Variants in RBFOX1 observed in about 807,000 individuals in gnomAD.
RBFOX1 encodes RNA binding protein fox-1 homolog 1.
A neutral mutation model predicts 57.7 loss-of-function variants in RBFOX1; 8 were observed. That is an observed-to-expected ratio of 0.14 (90% CI 0.08 to 0.25). The LOEUF is 0.25. RBFOX1 is among the 10% of genes least tolerant of loss of function. The probability of loss-of-function intolerance (pLI) is 1.00; values close to 1 mark genes in which losing one functional copy is unlikely to be tolerated. For missense variants in RBFOX1, 611 were observed against 548.5 expected, an observed-to-expected ratio of 1.11 and a Z score of -1.14; for synonymous variants, 326 against 222.4, an observed-to-expected ratio of 1.47 and a Z score of -4.15.
intron 3 of RBFOX1, among the ~76,000 whole-genome samples, chr16:5,617,294 T>C (rs914476101): frequency 1.3e-5 from 2 of 152,216 alleles, no homozygotes; most frequent in Admixed American, 1.3e-4. Context: ...TCAGGTTCAA[T>C]GCTGCCCTTC....
chr16:7,327,336 A>G (rs2096624058), intron 4 of RBFOX1, among the ~76,000 whole-genome samples: 1 of 152,226 alleles, frequency 6.6e-6, no homozygotes, highest in African/African-American at 2.4e-5. Context: ...GAAAAACGGA[A>G]AATTTGTATC....
chr16:6,630,339 C>A (rs1180543612), intron 2 of RBFOX1, among the ~76,000 whole-genome samples: 1 of 152,144 alleles, frequency 6.6e-6, no homozygotes, highest in Non-Finnish European at 1.5e-5. Context: ...ATCCATCCAT[C>A]CATCCATGCA....
chr16:5,824,622 T>G (rs976928265), intron 3 of RBFOX1, among the ~76,000 whole-genome samples: 1 of 152,156 alleles, frequency 6.6e-6, no homozygotes, highest in Admixed American at 6.5e-5. Context: ...TAATTGAAAA[T>G]GAAAATCCCT....
chr16:5,692,547 G>C (rs374782689), intron 3 of RBFOX1, among the ~76,000 whole-genome samples: 1 of 152,178 alleles, frequency 6.6e-6, no homozygotes, highest in Non-Finnish European at 1.5e-5. Flanking sequence ...GCTGTACCCG[G>C]TCTCCTAATG....
chr16:7,042,147 T>G (rs756940066), intron 3 of RBFOX1, among the ~76,000 whole-genome samples: 2 of 152,230 alleles, frequency 1.3e-5, no homozygotes, highest in Non-Finnish European at 2.9e-5. Context: ...GAAATTTATG[T>G]GTTTTATGGA....
At chr16:5,613,137 G>A (rs1031318105) in intron 3 of RBFOX1, among the ~76,000 whole-genome samples, 1 of 152,222 alleles carries the variant, frequency 6.6e-6, no homozygotes, top group African/African-American at 2.4e-5. Flanking sequence ...AGGGGCCTCA[G>A]TTGGAGCAGG....
intron 4 of RBFOX1, among the ~76,000 whole-genome samples, chr16:7,364,421 T>A (rs2097395878): frequency 1.3e-5 from 2 of 152,154 alleles, no homozygotes; most frequent in Non-Finnish European, 2.9e-5. Flanking sequence ...TGCTAGCATT[T>A]TTTTGTGCGT....
chr16:6,614,797 T>C (rs540530450), intron 2 of RBFOX1, among the ~76,000 whole-genome samples: 18 of 152,290 alleles, frequency 1.2e-4, no homozygotes, highest in African/African-American at 3.8e-4. Context: ...AGGACATCAG[T>C]CATATTGACC....
At chr16:5,919,185 G>C (rs905019026) in intron 4 of RBFOX1, among the ~76,000 whole-genome samples, 3 of 152,164 alleles carry the variant, frequency 2.0e-5, no homozygotes, top group African/African-American at 7.2e-5. Flanking sequence ...TGACACTTCA[G>C]TGAAGGTCAG....
chr16:5,455,021 TTCTC>T (rs1217706493), intron 1 of RBFOX1, among the ~76,000 whole-genome samples: 131 of 113,162 alleles, frequency 1.2e-3, no homozygotes, highest in African/African-American at 4.1e-3. Flanking sequence ...CTTTCTTTCT[TTCTC>T]TCTCTCTGTC....
chr16:7,029,193 CAT>C (rs1232534427), intron 3 of RBFOX1, among the ~76,000 whole-genome samples: 2 of 43,484 alleles, frequency 4.6e-5, no homozygotes, highest in Non-Finnish European at 6.6e-5. Context: ...TATATATACA[CAT>C]ATGTATACGT....
At chr16:5,769,420 C>T (rs1019374485) in intron 3 of RBFOX1, among the ~76,000 whole-genome samples, 20 of 150,296 alleles carry the variant, frequency 1.3e-4, no homozygotes, top group African/African-American at 4.7e-4. Flanking sequence ...GCAGGTGGAT[C>T]ACTTGAAGTC....
At chr16:7,703,810 C>T (rs751124440) in intron 14 of RBFOX1, among the ~76,000 whole-genome samples, 5 of 152,210 alleles carry the variant, frequency 3.3e-5, no homozygotes, top group Non-Finnish European at 5.9e-5. Flanking sequence ...TCCATTTGAA[C>T]TACATCTGTA....
At chr16:5,354,645 C>T (rs1013035196) in intron 1 of RBFOX1, among the ~76,000 whole-genome samples, 1 of 152,268 alleles carries the variant, frequency 6.6e-6, no homozygotes, top group Admixed American at 6.5e-5. Flanking sequence ...CTGCCCAGCT[C>T]CTTTATTCCA....
At chr16:7,199,909 A>AAACAAC (rs146515780) in intron 4 of RBFOX1, among the ~76,000 whole-genome samples, 5 of 151,816 alleles carry the variant, frequency 3.3e-5, no homozygotes, top group East Asian at 1.9e-4. Flanking sequence ...AAACAAAACA[A>AAACAAC]AACAACAACA....
chr16:6,636,795 A>G (rs1210458175), intron 2 of RBFOX1, among the ~76,000 whole-genome samples: 1 of 4,782 alleles, frequency 2.1e-4, no homozygotes. Flanking sequence ...TATATAATAT[A>G]TGTTATATAT....
chr16:5,552,511 C>T (rs572042726), intron 2 of RBFOX1, among the ~76,000 whole-genome samples: 79 of 152,306 alleles, frequency 5.2e-4, no homozygotes, highest in African/African-American at 1.8e-3. Flanking sequence ...TTACTTAAAA[C>T]CACACACCTA....
chr16:5,706,512 AAGTT>A (rs1029716981), intron 3 of RBFOX1, among the ~76,000 whole-genome samples: 5 of 152,168 alleles, frequency 3.3e-5, no homozygotes, highest in Non-Finnish European at 7.4e-5. Context: ...GGGTGGGAGA[AAGTT>A]AGTCATTAAA....
intron 3 of RBFOX1, among the ~76,000 whole-genome samples, chr16:6,809,550 A>T (rs1047141826): frequency 6.6e-6 from 1 of 152,170 alleles, no homozygotes; most frequent in Non-Finnish European, 1.5e-5. Context: ...TGCACCTGAG[A>T]CTATATCCTA....
Sources: allele counts gnomAD v4.1 joint callset (sites outside exome capture counted in the v4.1 genomes callset), GRCh38; gene constraint gnomAD v4.1.1; transcripts MANE v1.5; gene names NCBI Gene and HGNC (gene_info 2026-07-23, HGNC 2026-07-21).